The following PXDNL variants were observed in gnomAD, a reference collection of about 807,000 sequenced individuals.
The protein encoded by PXDNL is probable oxidoreductase PXDNL.
Under a neutral mutation model 150.8 loss-of-function variants are expected in PXDNL, and 145 were observed. The observed-to-expected ratio is 0.96, with a 90% CI of 0.84 to 1.10. PXDNL has a LOEUF of 1.10. Among genes scored for constraint, PXDNL ranks in the 50% least tolerant of loss-of-function variants. PXDNL has a pLI of 0.00. For missense variants in PXDNL, 2,087 were observed against 1,873.9 expected (o/e 1.11, Z -2.10); for synonymous variants, 757 against 725.7 (o/e 1.04, Z -0.69).
chr8:51,599,752 TC>T (rs1585609589), intron 2 of PXDNL, among the ~76,000 whole-genome samples: 1 of 146,416 alleles, frequency 6.8e-6, no homozygotes, highest in Non-Finnish European at 1.5e-5. Flanking sequence ...ATAAATGATA[TC>T]GTTTATATAA....
intron 2 of PXDNL, among the ~76,000 whole-genome samples, chr8:51,623,888 G>A (rs1814308766): frequency 6.6e-6 from 1 of 152,100 alleles, no homozygotes; most frequent in Admixed American, 6.5e-5. Context: ...CAGGCCAGGA[G>A]TTGGAGACCA....
At position 51,632,854 on chromosome 8, in the gene PXDNL, A is replaced by G. The variant is rs75551136; in HGVS notation, c.236+21835T>C. Reference sequence around the variant, plus strand: ...CATAAATATGTGGCAATTAAACTATATACCCTTTTGTTTTTTGTTTTGTTT... The same window carrying G: ...CATAAATATGTGGCAATTAAACTATGTACCCTTTTGTTTTTTGTTTTGTTT... On this transcript the variant is annotated intron_variant, in intron 2 of 22. Coordinates refer to ENST00000356297, the MANE Select transcript of PXDNL (RefSeq NM_144651.5). Among the ~76,000 whole-genome samples, 509 of 152,142 alleles carry G rather than the reference A, an allele frequency of 3.3e-3. 4 individuals carry two copies. The highest frequency in any genetic ancestry group is 0.012 in the African/African-American group (487 of 41,512).
chr8:51,773,493 C>G (rs991573083), intron 1 of PXDNL, among the ~76,000 whole-genome samples: 1 of 152,184 alleles, frequency 6.6e-6, no homozygotes, highest in Non-Finnish European at 1.5e-5. Flanking sequence ...TGCAGAGAAA[C>G]AGACTCAGGG....
intron 3 of PXDNL, among the ~76,000 whole-genome samples, chr8:51,572,337 A>T (rs1172112632): frequency 6.6e-6 from 1 of 151,912 alleles, no homozygotes; most frequent in Non-Finnish European, 1.5e-5. Flanking sequence ...GATATACCAC[A>T]CTTAAGCAAA....
chr8:51,693,584 G>A (rs1378064018), intron 1 of PXDNL, among the ~76,000 whole-genome samples: 1 of 152,122 alleles, frequency 6.6e-6, no homozygotes, highest in Non-Finnish European at 1.5e-5. Flanking sequence ...ACCAGCCTGG[G>A]CAACATGGCA....
chr8:51,457,369 A>G lies in PXDNL; in HGVS notation c.982+129T>C, dbSNP rs532874310. 5.0e-6 allele frequency: 4 copies of G among 802,662 alleles called. No homozygotes were observed. In the South Asian group the frequency reaches 1.0e-4, roughly 21 times the overall value. 49.7% of individuals were successfully genotyped at this position (802,662 alleles called of 1,614,324 possible). On this transcript the variant is annotated intron_variant, in intron 9 of 22. Transcript: ENST00000356297. ...AAGAGAAAAAAATTCAAGTTTCTCT[A>G]AAACAAAATTTAAAAAATCACAGTC...
At chr8:51,332,097 C>G (rs527862385) in intron 21 of PXDNL, among the ~76,000 whole-genome samples, 1 of 152,276 alleles carries the variant, frequency 6.6e-6, no homozygotes, top group South Asian at 2.1e-4. Context: ...CCACCTCCAC[C>G]AGAACAGGTG....
chr8:51,321,475 C>T (rs1469646152), intron 21 of PXDNL, among the ~76,000 whole-genome samples: 1 of 151,988 alleles, frequency 6.6e-6, no homozygotes, highest in African/African-American at 2.4e-5. Flanking sequence ...CACCCAATCT[C>T]ATGTTGAATT....
intron 3 of PXDNL, among the ~76,000 whole-genome samples, chr8:51,590,411 G>A (rs969661482): frequency 6.6e-6 from 1 of 152,056 alleles, no homozygotes; most frequent in African/African-American, 2.4e-5. Flanking sequence ...CCTATAGCCA[G>A]AGTGGAAACT....
chr8:51,604,778 C>T (rs1292769422), intron 2 of PXDNL, among the ~76,000 whole-genome samples: 2 of 152,182 alleles, frequency 1.3e-5, no homozygotes, highest in African/African-American at 2.4e-5. Context: ...ATACACAATA[C>T]ATCTCTATAT....
chr8:51,728,447 A>C (rs13261717), intron 1 of PXDNL, among the ~76,000 whole-genome samples: 21,729 of 152,148 alleles, frequency 0.14, 1,969 homozygotes, highest in Non-Finnish European at 0.2. Context: ...TGACAGCTCT[A>C]TGGGTGCTAC....
At chr8:51,421,891 C>T (rs1405154033) in intron 14 of PXDNL, among the ~76,000 whole-genome samples, 2 of 152,180 alleles carry the variant, frequency 1.3e-5, no homozygotes, top group African/African-American at 4.8e-5. Flanking sequence ...AATCCGTGCT[C>T]CTCACTGAGG....
intron 1 of PXDNL, among the ~76,000 whole-genome samples, chr8:51,703,055 T>C (rs1437641117): frequency 2.0e-5 from 3 of 152,210 alleles, no homozygotes; most frequent in Non-Finnish European, 4.4e-5. Flanking sequence ...ACTAATGCTA[T>C]CTGAACTCTT....
chr8:51,744,763 A>C (rs1270991780), intron 1 of PXDNL, among the ~76,000 whole-genome samples: 3 of 10,168 alleles, frequency 3.0e-4, no homozygotes, highest in Admixed American at 4.7e-3. Flanking sequence ...AGAGAGAAAG[A>C]AGGAAGGAGA....
At chr8:51,582,460 T>C (rs1186793826) in intron 3 of PXDNL, among the ~76,000 whole-genome samples, 1 of 152,202 alleles carries the variant, frequency 6.6e-6, no homozygotes, top group Non-Finnish European at 1.5e-5. Context: ...GCAACAACTT[T>C]GAAAGGCTCT....
At chr8:51,785,745 C>A (rs2037455113) in intron 1 of PXDNL, among the ~76,000 whole-genome samples, 1 of 152,158 alleles carries the variant, frequency 6.6e-6, no homozygotes, top group Non-Finnish European at 1.5e-5. Context: ...TCTCCTTGGG[C>A]CTCCCAATTC....
At chr8:51,396,216 T>C (rs1808077103) in intron 17 of PXDNL, among the ~76,000 whole-genome samples, 1 of 152,154 alleles carries the variant, frequency 6.6e-6, no homozygotes, top group Admixed American at 6.5e-5. Flanking sequence ...TGATGTGTGA[T>C]TTGGATGGAT....
intron 12 of PXDNL, among the ~76,000 whole-genome samples, chr8:51,429,257 T>C (rs1357356649): frequency 3.3e-5 from 5 of 152,312 alleles, no homozygotes; most frequent in African/African-American, 1.2e-4. Context: ...ACAGACACTC[T>C]GGAAAAGAGT....
intron 1 of PXDNL, among the ~76,000 whole-genome samples, chr8:51,674,839 C>T (rs1158794740): frequency 6.6e-6 from 1 of 152,212 alleles, no homozygotes; most frequent in Non-Finnish European, 1.5e-5. Flanking sequence ...AAGCATAAAC[C>T]AAGCCCAGTT....
Sources: gnomAD v4.1 joint callset for allele counts (sites outside exome capture counted in the v4.1 genomes callset) on GRCh38, gnomAD v4.1.1 for gene constraint, MANE v1.5 for transcripts, NCBI Gene and HGNC (gene_info 2026-07-23, HGNC 2026-07-21) for gene names.